The following PDE3A variants were observed in gnomAD, a reference collection of about 807,000 sequenced individuals.
PDE3A encodes cGMP-inhibited 3',5'-cyclic phosphodiesterase 3A.
A neutral mutation model predicts 98.3 loss-of-function variants in PDE3A; 43 were observed. The observed-to-expected ratio is 0.44, with a 90% CI of 0.34 to 0.56. PDE3A has a LOEUF of 0.56. PDE3A is among the 20% of genes least tolerant of loss of function. The pLI is 0.01. For missense variants in PDE3A, 1,427 were observed against 1,440.7 expected (o/e 0.99, Z 0.15); for synonymous variants, 663 against 567.9 (o/e 1.17, Z -2.38).
At chr12:20,565,184 G>A (rs973559127) in intron 2 of PDE3A, among the ~76,000 whole-genome samples, 1 of 152,000 alleles carries the variant, frequency 6.6e-6, no homozygotes, top group Admixed American at 6.6e-5. Flanking sequence ...TTCTTGTAAA[G>A]CAAATATACA....
intron 2 of PDE3A, among the ~76,000 whole-genome samples, chr12:20,575,518 G>T (rs961492259): frequency 6.6e-6 from 1 of 151,984 alleles, no homozygotes; most frequent in Non-Finnish European, 1.5e-5. Flanking sequence ...TGTATTAGCT[G>T]ATTAGGTAAC....
chr12:20,625,629 A>C (rs1175568639), intron 5 of PDE3A, among the ~76,000 whole-genome samples: 1 of 152,182 alleles, frequency 6.6e-6, no homozygotes, highest in Non-Finnish European at 1.5e-5. Flanking sequence ...TTGTTCCATT[A>C]AAATTAAACT....
chr12:20,555,498 A>AT (rs1187111670), intron 1 of PDE3A, among the ~76,000 whole-genome samples: 2 of 152,228 alleles, frequency 1.3e-5, no homozygotes, highest in Non-Finnish European at 2.9e-5. Flanking sequence ...AGCACACTGT[A>AT]TAACATCATG....
chr12:20,478,891 G>C (rs1945575748), intron 1 of PDE3A, among the ~76,000 whole-genome samples: 1 of 152,166 alleles, frequency 6.6e-6, no homozygotes, highest in African/African-American at 2.4e-5. Flanking sequence ...TTTTTGGATA[G>C]TTGAAATGTC....
In PDE3A at chr12:20,552,414, G is replaced by A. The variant is rs1942237229; in HGVS notation, c.961-4246G>A. 6.2e-7 allele frequency: 1 copy of A among 1,613,178 alleles called. No individual in the cohort carries two copies. Among genetic ancestry groups the A allele is most frequent in the Admixed American group, 1.7e-5 (1 of 60,010 alleles). On this transcript the variant is annotated intron_variant, in intron 1 of 15. Transcript: ENST00000359062. This position sits in a 1 kb window ranked among gnomAD's most constrained non-coding sequence, Gnocchi z 5.1. Reference sequence around the variant, plus strand: ...CCGGCCCTTGGACGAAGGAGGGGAAGGACCGGATCAAGAAGCTGGGGCTGA... The same window carrying A: ...CCGGCCCTTGGACGAAGGAGGGGAAAGACCGGATCAAGAAGCTGGGGCTGA...
chr12:20,477,268 C>T (rs74066451), intron 1 of PDE3A, among the ~76,000 whole-genome samples: 9,373 of 152,188 alleles, frequency 0.062, 320 homozygotes, highest in African/African-American at 0.085. Context: ...TGAAATCTGG[C>T]GCTGCTAAAA....
intron 1 of PDE3A, among the ~76,000 whole-genome samples, chr12:20,547,435 A>T (rs958095083): frequency 6.6e-6 from 1 of 152,212 alleles, no homozygotes; most frequent in African/African-American, 2.4e-5. Flanking sequence ...CATACAATAC[A>T]TATTTACTTA....
At chr12:20,603,789 T>C (rs537208543) in intron 2 of PDE3A, among the ~76,000 whole-genome samples, 16 of 152,280 alleles carry the variant, frequency 1.1e-4, no homozygotes, top group Admixed American at 2.6e-4. Flanking sequence ...CTCACAAGTC[T>C]TTATGTTTAT....
chr12:20,528,955 C>T (rs1269476628), intron 1 of PDE3A, among the ~76,000 whole-genome samples: 2 of 152,024 alleles, frequency 1.3e-5, no homozygotes, highest in East Asian at 1.9e-4. Context: ...GGACTTTTTT[C>T]CTGGTTTTTA....
chr12:20,575,774 G>A (rs1942914806), intron 2 of PDE3A, among the ~76,000 whole-genome samples: 3 of 151,240 alleles, frequency 2.0e-5, no homozygotes, highest in Admixed American at 2.0e-4. Context: ...TTTTTTTTAA[G>A]CTCAAAGTTC....
At chr12:20,421,760 GTCTGTCTAGCT>G (rs1302256396) in intron 1 of PDE3A, among the ~76,000 whole-genome samples, 1 of 152,162 alleles carries the variant, frequency 6.6e-6, no homozygotes, top group Admixed American at 6.5e-5. Flanking sequence ...CAGGTTTCAT[GTCTGTCTAGCT>G]TCTTGCTCCT....
intron 1 of PDE3A, among the ~76,000 whole-genome samples, chr12:20,378,174 G>T (rs1943604431): frequency 6.6e-6 from 1 of 151,656 alleles, no homozygotes; most frequent in Admixed American, 6.6e-5. Context: ...AATTTTTAAA[G>T]TAGGAATTTA....
chr12:20,517,483 T>C (rs901420962), intron 1 of PDE3A, among the ~76,000 whole-genome samples: 10 of 152,212 alleles, frequency 6.6e-5, no homozygotes, highest in African/African-American at 2.4e-4. Flanking sequence ...TTTTCTCCGT[T>C]GTATAATGGG....
At chr12:20,604,837 A>C (rs1356028985) in intron 2 of PDE3A, among the ~76,000 whole-genome samples, 2 of 152,144 alleles carry the variant, frequency 1.3e-5, no homozygotes, top group East Asian at 1.9e-4. Context: ...AAGTGACTGG[A>C]GTTTCAGGTT....
At chr12:20,394,145 CA>C (rs752841416) in intron 1 of PDE3A, among the ~76,000 whole-genome samples, 11 of 152,040 alleles carry the variant, frequency 7.2e-5, no homozygotes, top group Non-Finnish European at 1.0e-4. Context: ...TCTTTAACAT[CA>C]GTGAAATATT....
intron 1 of PDE3A, among the ~76,000 whole-genome samples, chr12:20,430,245 A>G (rs555978425): frequency 2.6e-5 from 4 of 152,290 alleles, no homozygotes; most frequent in Middle Eastern, 3.4e-3. Context: ...TTGTCTATCA[A>G]AGTTAATAAA....
At chr12:20,454,800 A>G (rs917982422) in intron 1 of PDE3A, among the ~76,000 whole-genome samples, 1 of 152,078 alleles carries the variant, frequency 6.6e-6, no homozygotes, top group Non-Finnish European at 1.5e-5. Context: ...ACAGGACATG[A>G]TCTCATTTTT....
At chr12:20,450,715 G>A (rs1176459036) in intron 1 of PDE3A, among the ~76,000 whole-genome samples, 1 of 152,182 alleles carries the variant, frequency 6.6e-6, no homozygotes, top group African/African-American at 2.4e-5. Flanking sequence ...CTAGAATTTG[G>A]CTGCACCCTG....
At chr12:20,615,016 CTTTTTTTTTTTTTTT>C (rs11313010) in intron 3 of PDE3A, among the ~76,000 whole-genome samples, 1 of 59,128 alleles carries the variant, frequency 1.7e-5, no homozygotes, top group Admixed American at 2.6e-4. Context: ...TTCTCTCTTT[CTTTTTTTTTTTTTTT>C]TTTTTTTTGA....
Sources: gnomAD v4.1 joint callset for allele counts (sites outside exome capture counted in the v4.1 genomes callset) on GRCh38, gnomAD v4.1.1 for gene constraint, Gnocchi (gnomAD v3.1) non-coding constraint, MANE v1.5 for transcripts, NCBI Gene and HGNC (gene_info 2026-07-23, HGNC 2026-07-21) for gene names.